Variants in DYM observed in about 807,000 individuals in gnomAD.
The protein encoded by DYM is dyggve-Melchior-Clausen syndrome protein.
In DYM, 78 loss-of-function variants were observed where a neutral mutation model predicts 93.1. That is an observed-to-expected ratio of 0.84 (90% CI 0.70 to 1.01). The LOEUF (loss-of-function observed/expected upper bound fraction) is 1.01, where lower values mean the gene tolerates loss of function less well. Ranked by LOEUF, DYM falls within the 50% of genes least tolerant of loss-of-function variation. The pLI is 0.00. For missense variants in DYM, 789 were observed against 845.0 expected, an observed-to-expected ratio of 0.93 and a Z score of 0.82; for synonymous variants, 321 against 319.7, an observed-to-expected ratio of 1.00 and a Z score of -0.04.
At chr18:49,222,241 TTAAA>T (rs1225409426) in intron 13 of DYM, among the ~76,000 whole-genome samples, 1 of 152,102 alleles carries the variant, frequency 6.6e-6, no homozygotes, top group African/African-American at 2.4e-5. Flanking sequence ...AGAATTTCTG[TTAAA>T]TAATCTAAAA....
chr18:49,246,570 C>G (rs2094172781), intron 13 of DYM, among the ~76,000 whole-genome samples: 2 of 152,136 alleles, frequency 1.3e-5, no homozygotes, highest in African/African-American at 4.8e-5. Flanking sequence ...TTGTCTGCTT[C>G]TGCAACAGTG....
intron 8 of DYM, among the ~76,000 whole-genome samples, chr18:49,317,551 T>TTCTCTCTCTCTCTCTCTCTC (rs796373730): frequency 3.4e-5 from 1 of 29,368 alleles, no homozygotes; most frequent in Admixed American, 5.4e-4. Flanking sequence ...CCATCTAGAT[T>TTCTCTCTCTCTCTCTCTCTC]TCTCTCTCTC....
chr18:49,395,197 C>T (rs964581651), intron 2 of DYM, among the ~76,000 whole-genome samples: 1 of 151,888 alleles, frequency 6.6e-6, no homozygotes, highest in Admixed American at 6.6e-5. Context: ...AGTGAAGAGA[C>T]AATCCACAGA....
At chr18:49,216,801 G>C (rs1233574950) in intron 13 of DYM, among the ~76,000 whole-genome samples, 1 of 151,974 alleles carries the variant, frequency 6.6e-6, no homozygotes, top group African/African-American at 2.4e-5. Flanking sequence ...ACAAAGATGG[G>C]GAAAAAACAG....
rs2071075160 is a variant in DYM at position 49,043,355 on chromosome 18, C to T, written c.*700G>A. Reference sequence around the variant, plus strand: ...ATGTTGCCCAAGCTGGTTTCAGATTCCTGTGCTCAAGGGATTCTGCTAACT... The same window carrying T: ...ATGTTGCCCAAGCTGGTTTCAGATTTCTGTGCTCAAGGGATTCTGCTAACT... On this transcript the variant is annotated 3_prime_UTR_variant, in exon 18 of 18. Coordinates refer to ENST00000675505, the MANE Select transcript of DYM (RefSeq NM_001353214.3). The T allele has an allele frequency of 6.6e-6, 1 of 152,186 alleles. No individual in the cohort carries two copies. Among genetic ancestry groups the T allele is most frequent in the Non-Finnish European group, 1.5e-5 (1 of 68,080 alleles). 9.4% of individuals were successfully genotyped at this position (152,186 alleles called of 1,614,324 possible).
At chr18:49,044,330 A>C (rs2071188907) in intron 17 of DYM, 126 bp from the exon 18 acceptor site, 2 of 988,164 alleles carry the variant, frequency 2.0e-6, no homozygotes, top group South Asian at 2.6e-5. Flanking sequence ...GTCACAGGGC[A>C]TGAAAGCTCT....
At chr18:49,414,881 C>T (rs2072738208) in intron 2 of DYM, among the ~76,000 whole-genome samples, 2 of 152,144 alleles carry the variant, frequency 1.3e-5, no homozygotes, top group South Asian at 2.1e-4. Context: ...ATATAAACTG[C>T]ATGAGAGCAG....
At chr18:49,444,406 T>C (rs2081929644) in intron 1 of DYM, among the ~76,000 whole-genome samples, 1 of 152,174 alleles carries the variant, frequency 6.6e-6, no homozygotes, top group Non-Finnish European at 1.5e-5. Context: ...ACTTGATATA[T>C]CTGTTAATGA....
At chr18:49,382,613 A>G (rs1299513104) in intron 3 of DYM, among the ~76,000 whole-genome samples, 1 of 152,186 alleles carries the variant, frequency 6.6e-6, no homozygotes, top group African/African-American at 2.4e-5. Flanking sequence ...ATGGGACTAG[A>G]TTATAGACTC....
chr18:49,345,683 C>A (rs1392089360), intron 6 of DYM, among the ~76,000 whole-genome samples: 1 of 152,002 alleles, frequency 6.6e-6, no homozygotes, highest in Non-Finnish European at 1.5e-5. Context: ...ACTAAATCAG[C>A]TTATAGATCC....
intron 15 of DYM, among the ~76,000 whole-genome samples, chr18:49,122,714 T>C (rs1329355979): frequency 3.3e-5 from 5 of 152,214 alleles, no homozygotes; most frequent in Non-Finnish European, 4.4e-5. Flanking sequence ...AAAAACTGTC[T>C]TCCACAAAAC....
intron 17 of DYM, among the ~76,000 whole-genome samples, chr18:49,072,608 C>T (rs927898138): frequency 3.9e-5 from 6 of 152,206 alleles, no homozygotes; most frequent in South Asian, 4.1e-4. Context: ...GGTTTGGCAA[C>T]GTGAGAAACC....
rs183991865 is a variant in DYM at position 49,435,786 on chromosome 18, T to C, written c.-53-5339A>G. 2.9e-3 allele frequency among the ~76,000 whole-genome samples: 436 copies of C among 151,922 alleles called. 4 individuals carry two copies. Among genetic ancestry groups the C allele is most frequent in the Non-Finnish European group, 2.2e-3 (152 of 67,958 alleles). On this transcript the variant is annotated intron_variant, in intron 1 of 17. Transcript: ENST00000675505. ...CCTGGGCAACAAGAACAACACTCCA[T>C]CTCAAAAAAAACAAAAACAAACAAA...
intron 13 of DYM, among the ~76,000 whole-genome samples, chr18:49,246,599 A>G (rs778357329): frequency 9.2e-5 from 14 of 152,342 alleles, no homozygotes; most frequent in African/African-American, 3.1e-4. Context: ...GACTGGTCAC[A>G]TAACTCGAGA....
At chr18:49,253,728 C>A (rs2094335947) in intron 13 of DYM, among the ~76,000 whole-genome samples, 1 of 152,184 alleles carries the variant, frequency 6.6e-6, no homozygotes, top group Non-Finnish European at 1.5e-5. Flanking sequence ...CTCAGTGCGA[C>A]AAACAGACCA....
chr18:49,103,730 G>A (rs1443383887), intron 16 of DYM, among the ~76,000 whole-genome samples: 11 of 152,154 alleles, frequency 7.2e-5, no homozygotes, highest in Admixed American at 2.6e-4. Flanking sequence ...GTAGATATGC[G>A]GCGTTATTTC....
rs1444795245 is a variant in DYM at position 49,040,941 on chromosome 18, A to C, written c.*3114T>G. Among the ~76,000 whole-genome samples the C allele has an allele frequency of 2.6e-5, 4 of 152,224 alleles. No individual in the cohort carries two copies. Among genetic ancestry groups the C allele is most frequent in the Non-Finnish European group, 4.4e-5 (3 of 68,042 alleles). ...GATGTACCTTAGCAAGCTCTTAGGAAGTTGCTGAGTGTTCTGATGCTGGTC... is the reference window on the plus strand; with the variant it reads ...GATGTACCTTAGCAAGCTCTTAGGACGTTGCTGAGTGTTCTGATGCTGGTC... On this transcript the variant is annotated 3_prime_UTR_variant, in exon 18 of 18. Transcript: ENST00000675505.
At chr18:49,149,247 G>T (rs544015564) in intron 15 of DYM, among the ~76,000 whole-genome samples, 13 of 152,206 alleles carry the variant, frequency 8.5e-5, no homozygotes, top group African/African-American at 2.9e-4. Context: ...ATGAAGCTTT[G>T]CTCACTTGCC....
In DYM at chr18:49,292,355, G is replaced by GACACACACACACAC. The variant is rs57025579; in HGVS notation, c.764-5753_764-5740dup. 5.5e-3 allele frequency among the ~76,000 whole-genome samples: 469 copies of GACACACACACACAC among 84,692 alleles called. 7 individuals carry two copies. The highest frequency in any genetic ancestry group is 0.029 in the East Asian group (84 of 2,906). The allele number at this position is 84,692 out of a possible 152,430, so 55.6% of individuals were successfully genotyped here. Reference sequence around the variant, plus strand: ...AGGCAGGCAGACAGACAGACAGACAGACACACACACACACACACACACACA... The same window carrying GACACACACACACAC: ...AGGCAGGCAGACAGACAGACAGACAGACACACACACACACACACACACACACACACACACACACA... On this transcript the variant is annotated intron_variant, in intron 8 of 17. Coordinates refer to ENST00000675505, the MANE Select transcript of DYM (RefSeq NM_001353214.3).
Sources: gnomAD v4.1 joint callset for allele counts (sites outside exome capture counted in the v4.1 genomes callset) on GRCh38, gnomAD v4.1.1 for gene constraint, MANE v1.5 for transcripts, NCBI Gene and HGNC (gene_info 2026-07-23, HGNC 2026-07-21) for gene names.